CENPI: variants seen among roughly 807,000 people sequenced by gnomAD.
The protein encoded by CENPI is centromere protein I.
A neutral mutation model predicts 60.4 loss-of-function variants in CENPI; 4 were observed. The ratio of observed to expected loss-of-function variants is 0.07; its 90% confidence interval spans 0.03 to 0.15. CENPI has a LOEUF of 0.15. Ranked by LOEUF, CENPI falls within the 10% of genes least tolerant of loss-of-function variation. The pLI, the probability that CENPI is intolerant of heterozygous loss-of-function variation, is 1.00. For missense variants in CENPI, 444 were observed against 534.5 expected, an observed-to-expected ratio of 0.83 and a Z score of 1.67; for synonymous variants, 157 against 189.4, an observed-to-expected ratio of 0.83 and a Z score of 1.40.
chrX:101,114,681 C>G (rs2089597463), intron 6 of CENPI, among the ~76,000 whole-genome samples: 1 of 111,992 alleles, frequency 8.9e-6, no homozygotes, highest in Admixed American at 9.5e-5. Context: ...CTCTTGTTGC[C>G]CAGGCTGGAG....
In CENPI at chrX:101,128,697, G is replaced by T. The variant is rs770417881; in HGVS notation, c.1075-19G>T. 2 of 1,195,295 alleles carry T rather than the reference G, an allele frequency of 1.7e-6. 1 individual carries two copies. The highest frequency in any genetic ancestry group is 3.7e-5 in the South Asian group (2 of 54,572). On this transcript the variant is annotated intron_variant, in intron 11 of 21. Coordinates refer to ENST00000682095, the MANE Select transcript of CENPI (RefSeq NM_001386188.2). The stretch of plus-strand genomic sequence containing the variant: ...CTTTTCAGATACTTAACTGTTGATC[G>T]GTTGTTCTGTCATTGCAGCTGCCTT...
At chrX:101,139,841 GTTTTTTT>G (rs1297389512) in intron 15 of CENPI, among the ~76,000 whole-genome samples, 1 of 95,449 alleles carries the variant, frequency 1.0e-5, no homozygotes, top group Non-Finnish European at 2.1e-5. Flanking sequence ...TTTGTTTTTT[GTTTTTTT>G]TTTTGAGAAA....
In CENPI at chrX:101,136,662, A is replaced by T. The variant is rs147309995; in HGVS notation, c.1471-4004A>T. Among the ~76,000 whole-genome samples, 19 of 110,838 alleles carry T rather than the reference A, an allele frequency of 1.7e-4. No homozygotes were observed. The East Asian group carries it at 5.4e-3, about 31-fold the overall frequency. ...AGCAAACAACTTATTTTCACCGAAG[A>T]ATTTTGCATGGGAAAGGCCCCACAA... On this transcript the variant is annotated intron_variant, in intron 15 of 21. Transcript: ENST00000682095.
intron 16 of CENPI, among the ~76,000 whole-genome samples, chrX:101,144,806 T>A (rs2089949146): frequency 8.9e-6 from 1 of 111,783 alleles, no homozygotes; most frequent in African/African-American, 3.2e-5. Flanking sequence ...TGGAGCTTAA[T>A]ACTTTATTTC....
intron 8 of CENPI, among the ~76,000 whole-genome samples, chrX:101,125,784 G>GA (rs1312521875): frequency 1.8e-5 from 2 of 111,487 alleles, no homozygotes; most frequent in Non-Finnish European, 3.8e-5. Context: ...TTTTTAACTG[G>GA]AAATCTCCCC....
At chrX:101,171,582 A>G in the CENPI span, among the ~76,000 whole-genome samples, 2 of 108,912 alleles carry the variant, frequency 1.8e-5, no homozygotes, top group Non-Finnish European at 3.8e-5. Context: ...GACCACAGTC[A>G]TGCACCACCA....
At chrX:101,180,295 C>T in the CENPI span, among the ~76,000 whole-genome samples, 16,324 of 109,989 alleles carry the variant, frequency 0.15, 1,169 homozygotes, top group Middle Eastern at 0.23. Flanking sequence ...CACCACAGCA[C>T]CTGGCTAATT....
At chrX:101,099,724 C>A (rs1474048800) in intron 2 of CENPI, 2 of 109,545 alleles carry the variant, frequency 1.8e-5, no homozygotes, top group African/African-American at 3.3e-5. Context: ...TGTAGCTTCC[C>A]ATCTCCACTT....
intron 16 of CENPI, chrX:101,141,341 A>G (rs1418655939): frequency 9.1e-6 from 1 of 110,185 alleles, no homozygotes; most frequent in African/African-American, 3.3e-5. Flanking sequence ...CTTCTCCTAC[A>G]TATATATATA....
the CENPI span, among the ~76,000 whole-genome samples, chrX:101,177,635 C>T: frequency 2.4e-3 from 272 of 112,168 alleles, 1 homozygote; most frequent in African/African-American, 8.3e-3. Context: ...GGGTTGCTTT[C>T]AGTTGGTAGC....
chrX:101,149,982 A>G (rs144182454), intron 20 of CENPI, among the ~76,000 whole-genome samples: 29 of 110,743 alleles, frequency 2.6e-4, no homozygotes, highest in African/African-American at 8.8e-4. Context: ...AAATGTAGTC[A>G]AGGACTAGAT....
At chrX:101,106,959 G>A (rs2089490240) in intron 4 of CENPI, among the ~76,000 whole-genome samples, 1 of 107,163 alleles carries the variant, frequency 9.3e-6, no homozygotes, top group African/African-American at 3.4e-5. Flanking sequence ...TACTCTGGAG[G>A]CTGAGGTGGG....
At chrX:101,125,165 AT>A (rs1688466473) in intron 8 of CENPI, among the ~76,000 whole-genome samples, 1 of 111,138 alleles carries the variant, frequency 9.0e-6, no homozygotes, top group South Asian at 3.8e-4. Flanking sequence ...CTTTTTAGAG[AT>A]ATGTGGTCCC....
intron 17 of CENPI, among the ~76,000 whole-genome samples, chrX:101,145,506 G>A (rs1276140994): frequency 9.1e-6 from 1 of 109,912 alleles, no homozygotes; most frequent in Non-Finnish European, 1.9e-5. Flanking sequence ...CCAACTCCTG[G>A]CAGAAACCAA....
intron 4 of CENPI, among the ~76,000 whole-genome samples, chrX:101,109,169 C>T (rs763843202): frequency 2.0e-5 from 2 of 102,182 alleles, no homozygotes; most frequent in African/African-American, 3.6e-5. Flanking sequence ...CAACCTCTGC[C>T]TCCTGGGTTC....
chrX:101,147,892 A>C (rs1033332547), intron 19 of CENPI, 51 bp from the exon 20 acceptor site: 49 of 1,163,218 alleles, frequency 4.2e-5, no homozygotes, highest in Non-Finnish European at 5.6e-5. Context: ...GGGAGTAAGA[A>C]GGAAAGGGAG....
rs747080478 is a variant in CENPI, at chrX:101,123,846, C to T, written c.688-2863C>T. Among the ~76,000 whole-genome samples, 4 of 111,425 alleles carry T rather than the reference C, an allele frequency of 3.6e-5. No homozygotes were observed. The Admixed American group carries it at 3.8e-4, about 11-fold the overall frequency. ...CAAGCAATCCTCCCGCCTTGGCCTC[C>T]CAAAGTGCTGGGATTACAGGTGTGA... On this transcript the variant is annotated intron_variant, in intron 8 of 21. Coordinates refer to ENST00000682095, the MANE Select transcript of CENPI (RefSeq NM_001386188.2).
rs1439270591 is a variant in CENPI, at chrX:101,150,992, C to T, written c.2094+2831C>T. On this transcript the variant is annotated intron_variant, in intron 20 of 21. Transcript: ENST00000682095. ...TCTTTGTGTGCCTGGTTATCTTTGA[C>T]GATGTGCTGGATACTTGGAATATTA... is the stretch of plus-strand genomic sequence containing the variant. Among the ~76,000 whole-genome samples the T allele has an allele frequency of 3.6e-5, 4 of 110,755 alleles. No homozygotes were observed. The East Asian group carries it at 8.4e-4, about 23-fold the overall frequency.
chrX:101,160,997 A>T (rs2090103472), intron 20 of CENPI, among the ~76,000 whole-genome samples: 1 of 112,053 alleles, frequency 8.9e-6, no homozygotes. Flanking sequence ...AGAGGGGTTT[A>T]CTCTGAATAT....
Sources: allele counts gnomAD v4.1 joint callset (sites outside exome capture counted in the v4.1 genomes callset), GRCh38; gene constraint gnomAD v4.1.1; transcripts MANE v1.5; gene names NCBI Gene and HGNC (gene_info 2026-07-23, HGNC 2026-07-21).